DENND2B: variants seen among roughly 807,000 people sequenced by gnomAD.
The protein encoded by DENND2B is DENN domain-containing protein 2B.
DENND2B carries 32 observed loss-of-function variants against 116.0 expected under a neutral mutation model. The ratio of observed to expected loss-of-function variants is 0.28; its 90% CI spans 0.21 to 0.37. DENND2B has a LOEUF of 0.37. DENND2B is among the 10% of genes least tolerant of loss of function. The pLI, the probability that DENND2B is intolerant of heterozygous loss-of-function variation, is 1.00. For missense variants in DENND2B, 1,276 were observed against 1,477.7 expected (o/e 0.86, Z 2.24); for synonymous variants, 588 against 583.9 (o/e 1.01, Z -0.10).
chr11:8,859,203 A>G (rs2063303014), intron 2 of DENND2B, among the ~76,000 whole-genome samples: 1 of 152,150 alleles, frequency 6.6e-6, no homozygotes, highest in Non-Finnish European at 1.5e-5. Flanking sequence ...TAACAATTAT[A>G]TGTTCTAAGT....
chr11:8,890,812 A>G (rs2064022259), intron 1 of DENND2B, among the ~76,000 whole-genome samples: 1 of 152,218 alleles, frequency 6.6e-6, no homozygotes, highest in South Asian at 2.1e-4. Flanking sequence ...GTTGGAAAAC[A>G]CTCTGCAGGA....
At chr11:8,753,762 GTCAACA>G (rs1423861847) in intron 1 of DENND2B, among the ~76,000 whole-genome samples, 1 of 152,096 alleles carries the variant, frequency 6.6e-6, no homozygotes, top group Non-Finnish European at 1.5e-5. Flanking sequence ...TACATTTATG[GTCAACA>G]GATTTTCAAT....
intron 4 of DENND2B, among the ~76,000 whole-genome samples, chr11:8,818,698 C>A (rs1235898899): frequency 1.3e-5 from 2 of 152,214 alleles, no homozygotes; most frequent in African/African-American, 2.4e-5. Context: ...CTCCTGCTAG[C>A]TGTAATATTC....
Position 8,712,418 on chromosome 11 carries a change from G to C in DENND2B, c.2172+133C>G. On this transcript the variant is annotated intron_variant, in intron 9 of 19. Coordinates refer to ENST00000313726, the MANE Select transcript of DENND2B (RefSeq NM_213618.2). The surrounding 1 kb of genome is among the most constrained non-coding windows in gnomAD (Gnocchi z 4.4). ...CTGTCTTCCCTCCTGGCTGAGAGGA[G>C]GCAGGTTCAGGGCTGTGGCAGCTCG... 3 of 1,031,224 alleles carry C rather than the reference G, an allele frequency of 2.9e-6. No individual in the cohort carries two copies. In the South Asian group the frequency reaches 5.2e-5, roughly 18 times the overall value. 63.9% of individuals were successfully genotyped at this position (1,031,224 alleles called of 1,614,324 possible).
chr11:8,843,347 G>A (rs903519787), intron 3 of DENND2B, among the ~76,000 whole-genome samples: 5 of 152,082 alleles, frequency 3.3e-5, no homozygotes, highest in Non-Finnish European at 5.9e-5. Flanking sequence ...GGCCCTAATT[G>A]AGCATGTGGC....
At chr11:8,744,638 G>C (rs989850568) in intron 2 of DENND2B, among the ~76,000 whole-genome samples, 1 of 152,164 alleles carries the variant, frequency 6.6e-6, no homozygotes, top group Non-Finnish European at 1.5e-5. Flanking sequence ...GGTGCAGCTA[G>C]AGACAAGGTA....
chr11:8,705,912 T>C (rs1220788659), intron 13 of DENND2B, among the ~76,000 whole-genome samples: 1 of 152,250 alleles, frequency 6.6e-6, no homozygotes, highest in Non-Finnish European at 1.5e-5. Flanking sequence ...CCGTTTTCAC[T>C]CCGACCATTA....
chr11:8,889,800 G>A (rs2064005845), intron 1 of DENND2B, among the ~76,000 whole-genome samples: 1 of 152,234 alleles, frequency 6.6e-6, no homozygotes. Context: ...TGCCTCTGTA[G>A]ACTCCACCTC....
At chr11:8,746,217 C>G (rs913195555) in intron 2 of DENND2B, among the ~76,000 whole-genome samples, 1 of 151,706 alleles carries the variant, frequency 6.6e-6, no homozygotes, top group Non-Finnish European at 1.5e-5. Context: ...TAGCTTCCCC[C>G]GATCTAAGGC....
Position 8,702,449 on chromosome 11 carries a change from C to A in DENND2B, c.2720+123G>T. The A allele has an allele frequency of 7.1e-7, 1 of 1,404,024 alleles. No individual in the cohort carries two copies. The highest frequency in any genetic ancestry group is 1.2e-5 in the South Asian group (1 of 80,194). 87.0% of individuals were successfully genotyped at this position (1,404,024 alleles called of 1,614,324 possible). Reference sequence around the variant, plus strand: ...CCTTTCCACCTAGTCTTCCATCTCCCTACGCACAGCCCCACTCCAGCACTG... The same window carrying A: ...CCTTTCCACCTAGTCTTCCATCTCCATACGCACAGCCCCACTCCAGCACTG... On this transcript the variant is annotated intron_variant, in intron 14 of 19. Coordinates refer to ENST00000313726, the MANE Select transcript of DENND2B (RefSeq NM_213618.2). This position sits in a 1 kb window ranked among gnomAD's most constrained non-coding sequence, Gnocchi z 4.6.
At chr11:8,900,641 GC>G (rs1428727154) in intron 1 of DENND2B, among the ~76,000 whole-genome samples, 2 of 151,042 alleles carry the variant, frequency 1.3e-5, no homozygotes, top group African/African-American at 2.4e-5. Flanking sequence ...AAATAAAGAT[GC>G]ATATTCTAAT....
chr11:8,857,771 C>T (rs2063246445), intron 2 of DENND2B, among the ~76,000 whole-genome samples: 1 of 152,216 alleles, frequency 6.6e-6, no homozygotes, highest in African/African-American at 2.4e-5. Context: ...GTGGTTCTGA[C>T]ATCAACTGGT....
At chr11:8,903,563 A>G (rs1286537042) in intron 1 of DENND2B, among the ~76,000 whole-genome samples, 1 of 152,046 alleles carries the variant, frequency 6.6e-6, no homozygotes, top group Non-Finnish European at 1.5e-5. Flanking sequence ...AGGGAATATT[A>G]CCAATAGCTT....
chr11:8,861,251 C>T (rs2063380551), intron 2 of DENND2B, among the ~76,000 whole-genome samples: 1 of 152,044 alleles, frequency 6.6e-6, no homozygotes, highest in Non-Finnish European at 1.5e-5. Context: ...AGACAACCCG[C>T]AGAATGGGAG....
chr11:8,721,297 C>A (rs1384854879), intron 4 of DENND2B, among the ~76,000 whole-genome samples: 1 of 147,572 alleles, frequency 6.8e-6, no homozygotes, highest in Non-Finnish European at 1.5e-5. Flanking sequence ...CCTCCCACTC[C>A]TCTCCACAAC....
chr11:8,732,663 T>C (rs922818896), intron 2 of DENND2B, among the ~76,000 whole-genome samples: 15 of 152,254 alleles, frequency 9.9e-5, no homozygotes, highest in African/African-American at 3.4e-4. Context: ...GGTGAGCTTA[T>C]TGAAGAGCAC....
At chr11:8,801,165 A>G (rs997687444) in intron 1 of DENND2B, among the ~76,000 whole-genome samples, 1 of 151,866 alleles carries the variant, frequency 6.6e-6, no homozygotes, top group Admixed American at 6.6e-5. Flanking sequence ...TACTCCTCAG[A>G]GAGGGGCCCG....
chr11:8,727,546 T>C (rs1330737266), intron 3 of DENND2B, among the ~76,000 whole-genome samples: 1 of 152,216 alleles, frequency 6.6e-6, no homozygotes, highest in Non-Finnish European at 1.5e-5. Flanking sequence ...TCTTAAAAAC[T>C]CTTTCTCACT....
intron 4 of DENND2B, among the ~76,000 whole-genome samples, chr11:8,824,637 T>C (rs2061901487): frequency 1.3e-5 from 2 of 152,156 alleles, no homozygotes; most frequent in South Asian, 2.1e-4. Context: ...TTTGCTATTG[T>C]GAATAGTGTT....
Sources: allele counts gnomAD v4.1 joint callset (sites outside exome capture counted in the v4.1 genomes callset), GRCh38; gene constraint gnomAD v4.1.1; non-coding constraint Gnocchi (gnomAD v3.1); transcripts MANE v1.5; gene names NCBI Gene and HGNC (gene_info 2026-07-23, HGNC 2026-07-21).